ZC3H6: variants seen among roughly 807,000 people sequenced by gnomAD.
The protein encoded by ZC3H6 is zinc finger CCCH domain-containing protein 6.
A neutral mutation model predicts 107.7 loss-of-function variants in ZC3H6; 40 were observed. That is an observed-to-expected ratio of 0.37 (90% CI 0.29 to 0.48). ZC3H6 has a LOEUF of 0.48. Ranked by LOEUF, ZC3H6 falls within the 20% of genes least tolerant of loss-of-function variation. ZC3H6 has a pLI of 0.98. For synonymous variants in ZC3H6, 493 were observed against 487.9 expected, an observed-to-expected ratio of 1.01 and a Z score of -0.14; for missense variants, 1,267 against 1,410.4, an observed-to-expected ratio of 0.90 and a Z score of 1.63.
chr2:112,327,439 AG>A (rs1676924293), intron 11 of ZC3H6, among the ~76,000 whole-genome samples: 1 of 152,154 alleles, frequency 6.6e-6, no homozygotes, highest in Non-Finnish European at 1.5e-5. Context: ...TCAGATAGGT[AG>A]TTTGCAGATA....
chr2:112,328,323 T>C (rs529731732), intron 11 of ZC3H6, among the ~76,000 whole-genome samples: 32 of 152,196 alleles, frequency 2.1e-4, no homozygotes, highest in Non-Finnish European at 3.8e-4. Context: ...TCTGAGTCCT[T>C]TGTGGTTCCA....
At chr2:112,317,198 C>CTTTTTTTTTT (rs564035069) in intron 6 of ZC3H6, 23 bp from the exon 7 acceptor site, 38 of 1,027,704 alleles carry the variant, frequency 3.7e-5, no homozygotes, top group South Asian at 2.0e-4. Flanking sequence ...TTTCTTTTTT[C>CTTTTTTTTTT]TTTTTTTTTT....
chr2:112,307,909 C>T (rs2104710814), intron 3 of ZC3H6, among the ~76,000 whole-genome samples: 1 of 152,238 alleles, frequency 6.6e-6, no homozygotes, highest in South Asian at 2.1e-4. Context: ...GAATTTAAAA[C>T]TTGTATGAGA....
In ZC3H6 at chr2:112,338,906, TATATATA is replaced by T. The variant is rs1677192911; in HGVS notation, c.*6421_*6427del. ...ATATATATATATATATATATATATATATATATAATTTTTTTTTTTTGAGACGGAGTCT... is the reference window on the plus strand; with the variant it reads ...ATATATATATATATATATATATATATATTTTTTTTTTTTGAGACGGAGTCT... On this transcript the variant is annotated 3_prime_UTR_variant, in exon 12 of 12. Coordinates refer to ENST00000409871, the MANE Select transcript of ZC3H6 (RefSeq NM_198581.3). 4.1e-5 allele frequency: 4 copies of T among 98,096 alleles called. No individual in the cohort carries two copies. The highest frequency in any genetic ancestry group is 8.3e-5 in the Non-Finnish European group (4 of 48,338). The allele number at this position is 98,096 out of a possible 1,614,324, so 6.1% of individuals were successfully genotyped here.
chr2:112,294,661 C>T (rs1000789051), intron 1 of ZC3H6, among the ~76,000 whole-genome samples: 4 of 152,066 alleles, frequency 2.6e-5, no homozygotes, highest in African/African-American at 9.7e-5. Context: ...GCAGAAACTA[C>T]TGTGGAGGTA....
chr2:112,324,933 A>G (rs368080009), intron 10 of ZC3H6, 31 bp from the exon 11 acceptor site: 84 of 1,561,050 alleles, frequency 5.4e-5, no homozygotes, highest in Non-Finnish European at 6.5e-5. Flanking sequence ...TGCTCACTCA[A>G]TGACTGTCTC....
rs1320461881 is a variant in ZC3H6, at chr2:112,299,993, GA to G, written c.183del (p.Lys61AsnfsTer61). On this transcript the variant is annotated frameshift_variant, in exon 2 of 12. Coordinates refer to ENST00000409871, the MANE Select transcript of ZC3H6 (RefSeq NM_198581.3). LOFTEE classifies it high-confidence loss of function. Reference sequence around the variant, plus strand: ...AAAAACATAAGAAAGAGAGAGAGAAGAAAAAATCCAAAAGGAGAAAACGTGA... The same window carrying G: ...AAAAACATAAGAAAGAGAGAGAGAAGAAAAATCCAAAAGGAGAAAACGTGA... ...RKKHKKEREK[K>X]KSKRRKREKH... 6.8e-7 allele frequency: 1 copy of G among 1,469,802 alleles called. No homozygotes were observed. The highest frequency in any genetic ancestry group is 1.4e-5 in the South Asian group (1 of 69,322). The allele number at this position is 1,469,802 out of a possible 1,614,324, so 91.0% of individuals were successfully genotyped here. A position where few individuals can be genotyped will look rare whatever the true frequency, so the allele number is the denominator to read the frequency against.
At chr2:112,304,816 G>A (rs1676444816) in intron 3 of ZC3H6, among the ~76,000 whole-genome samples, 1 of 151,988 alleles carries the variant, frequency 6.6e-6, no homozygotes, top group African/African-American at 2.4e-5. Flanking sequence ...TCCTAATTTG[G>A]TGTTCCTAAT....
intron 4 of ZC3H6, among the ~76,000 whole-genome samples, chr2:112,311,549 A>T (rs1676592080): frequency 6.6e-6 from 1 of 152,202 alleles, no homozygotes; most frequent in Non-Finnish European, 1.5e-5. Flanking sequence ...GGAAAATTAA[A>T]AAGAATAAAA....
At chr2:112,311,128 C>T (rs1676584151) in intron 4 of ZC3H6, among the ~76,000 whole-genome samples, 1 of 152,078 alleles carries the variant, frequency 6.6e-6, no homozygotes, top group South Asian at 2.1e-4. Flanking sequence ...CTTGTTTGTG[C>T]TCTTAAAGAA....
intron 3 of ZC3H6, among the ~76,000 whole-genome samples, chr2:112,308,612 G>A (rs2104711376): frequency 6.7e-6 from 1 of 149,760 alleles, no homozygotes; most frequent in African/African-American, 2.4e-5. Context: ...TGTATTTTTT[G>A]GTAGAGACGG....
intron 4 of ZC3H6, among the ~76,000 whole-genome samples, chr2:112,310,784 T>A (rs892243360): frequency 1.3e-5 from 2 of 152,196 alleles, no homozygotes; most frequent in African/African-American, 4.8e-5. Flanking sequence ...TGGAGCAATA[T>A]GAGACTGAAA....
intron 11 of ZC3H6, among the ~76,000 whole-genome samples, chr2:112,325,716 T>C (rs71414637): frequency 6.6e-6 from 1 of 152,164 alleles, no homozygotes; most frequent in East Asian, 1.9e-4. Flanking sequence ...ACTTTCAGTT[T>C]AAGGATTTTG....
Position 112,324,383 on chromosome 2 carries a change from A to C in ZC3H6, c.1572A>C (p.Glu524Asp), listed in dbSNP as rs375781985. 2.7e-5 allele frequency: 43 copies of C among 1,613,996 alleles called. No individual in the cohort carries two copies. Among genetic ancestry groups the C allele is most frequent in the South Asian group, 7.7e-5 (7 of 91,078 alleles). ...CACCTTTACCACCTGGTCCACCTGAAATTGTAGGTCCTCAAAATCAAGCTG... is the reference window on the plus strand; with the variant it reads ...CACCTTTACCACCTGGTCCACCTGACATTGTAGGTCCTCAAAATCAAGCTG... ...QSPPLPPGPP[E>D]IVGPQNQAGV... The change falls in exon 10 of 12, where the codon GAA becomes GAC. Residue 524 changes from glutamate to aspartate, a missense_variant. Transcript: ENST00000409871.
chr2:112,301,899 G>A (rs539137136), intron 2 of ZC3H6, among the ~76,000 whole-genome samples: 1 of 151,952 alleles, frequency 6.6e-6, no homozygotes, highest in African/African-American at 2.4e-5. Context: ...TATGCTGAGG[G>A]TGAAATAACT....
In ZC3H6 at chr2:112,310,108, C is replaced by T. The variant is rs376473740; in HGVS notation, c.560C>T (p.Ser187Leu). 3.1e-6 allele frequency: 5 copies of T among 1,612,994 alleles called. No homozygotes were observed. Among genetic ancestry groups the T allele is most frequent in the Non-Finnish European group, 4.2e-6 (5 of 1,179,550 alleles). The part of the protein sequence containing the change: ...AKETSNIALG[S>L]SFSKESGKKQ... Reference sequence around the variant, plus strand: ...GAAACCTCAAATATTGCTTTAGGGTCATCATTTTCTAAAGAATCAGGAAAA... The same window carrying T: ...GAAACCTCAAATATTGCTTTAGGGTTATCATTTTCTAAAGAATCAGGAAAA... The change falls in exon 4 of 12, where the codon TCA becomes TTA. Residue 187 changes from serine (S) to leucine (L), a missense_variant. Around this residue, in one of 3 missense-constraint regions of ZC3H6, gnomAD observed 337 missense variants for 361.2 expected, o/e 0.93. Coordinates refer to ENST00000409871, the MANE Select transcript of ZC3H6 (RefSeq NM_198581.3).
At chr2:112,329,118 T>A (rs1030638143) in intron 11 of ZC3H6, among the ~76,000 whole-genome samples, 1 of 152,104 alleles carries the variant, frequency 6.6e-6, no homozygotes, top group Non-Finnish European at 1.5e-5. Context: ...GGTTTACTTG[T>A]GTTTGTGTTA....
Position 112,303,233 on chromosome 2 carries a change from A to T in ZC3H6, c.218A>T (p.Asn73Ile). The T allele has an allele frequency of 1.2e-6, 2 of 1,605,342 alleles. No homozygotes were observed. Among genetic ancestry groups the T allele is most frequent in the Non-Finnish European group, 8.5e-7 (1 of 1,176,994 alleles). ...KRRKREKHKH[N>I]SPSSDDSSDY... is the part of the protein sequence containing the mutation. ...TTGTCTTTCCCCTCCCTTCAGCATAATTCCCCATCTAGTGATGATAGTTCG... is the reference window on the plus strand; with the variant it reads ...TTGTCTTTCCCCTCCCTTCAGCATATTTCCCCATCTAGTGATGATAGTTCG... The change falls in exon 3 of 12, where the codon AAT becomes ATT. Residue 73 changes from asparagine (N) to isoleucine (I), a missense_variant. By Grantham distance (149) the Asn-to-Ile change is moderately radical (BLOSUM62 -3). Around this residue, in one of 3 missense-constraint regions of ZC3H6, gnomAD observed 337 missense variants for 361.2 expected, o/e 0.93. Coordinates refer to ENST00000409871, the MANE Select transcript of ZC3H6 (RefSeq NM_198581.3).
rs768877457 is a variant in ZC3H6, at chr2:112,321,736, T to C, written c.977-20T>C. 3 of 1,401,508 alleles carry C rather than the reference T, an allele frequency of 2.1e-6. No individual in the cohort carries two copies. The highest frequency in any genetic ancestry group is 5.1e-5 in the East Asian group (2 of 39,358). The allele number at this position is 1,401,508 out of a possible 1,614,324, so 86.8% of individuals were successfully genotyped here. A position where few individuals can be genotyped will look rare whatever the true frequency, so the allele number is the denominator to read the frequency against. On this transcript the variant is annotated intron_variant, in intron 7 of 11. Transcript: ENST00000409871. ...TAGACCTTGATTTTACTTGGTCTTT[T>C]CCTTAATATTTTTATTTACATGAAT...
Sources: gnomAD v4.1 joint callset for allele counts (sites outside exome capture counted in the v4.1 genomes callset) on GRCh38, gnomAD v4.1.1 for gene constraint, gnomAD v4.1.1 regional missense constraint, MANE v1.5 for transcripts, NCBI Gene and HGNC (gene_info 2026-07-23, HGNC 2026-07-21) for gene names.